Variants in SARDH observed in about 807,000 individuals in gnomAD.
SARDH encodes the protein sarcosine dehydrogenase.
In SARDH, 95 loss-of-function variants were observed where a neutral mutation model predicts 109.1. That is an observed-to-expected ratio of 0.87 (90% CI 0.74 to 1.03). The LOEUF is 1.03. SARDH is among the 50% of genes least tolerant of loss of function. The pLI, the probability that SARDH is intolerant of heterozygous loss-of-function variation, is 0.00. For missense variants in SARDH, 1,267 were observed against 1,287.8 expected (o/e 0.98, Z 0.25); for synonymous variants, 572 against 534.8 (o/e 1.07, Z -0.96).
intron 13 of SARDH, among the ~76,000 whole-genome samples, chr9:133,701,316 G>A (rs1195275014): frequency 2.0e-5 from 3 of 152,234 alleles, no homozygotes; most frequent in Non-Finnish European, 1.5e-5. Context: ...GGGACCATCT[G>A]CCTCCTGAGC....
At chr9:133,734,802 C>T (rs1265196626) in intron 1 of SARDH, among the ~76,000 whole-genome samples, 2 of 152,326 alleles carry the variant, frequency 1.3e-5, no homozygotes, top group South Asian at 2.1e-4. Flanking sequence ...TCACAGACAG[C>T]GAGAGGCTGG....
In SARDH at chr9:133,718,706, T is replaced by C; in HGVS notation, c.1020+232A>G. Reference sequence around the variant, plus strand: ...CTCCACACTGCGCAGACCTTCTCTGTGGATGTTTTGAGGCAAAGCCCTCCA... The same window carrying C: ...CTCCACACTGCGCAGACCTTCTCTGCGGATGTTTTGAGGCAAAGCCCTCCA... On this transcript the variant is annotated intron_variant, in intron 7 of 20. Transcript: ENST00000439388. The surrounding 1 kb of genome is among the most constrained non-coding windows in gnomAD (Gnocchi z 4.2). 1 of 779,692 alleles carries C rather than the reference T, an allele frequency of 1.3e-6. No homozygotes were observed. Among genetic ancestry groups the C allele is most frequent in the Non-Finnish European group, 2.4e-6 (1 of 417,994 alleles). 48.3% of individuals were successfully genotyped at this position (779,692 alleles called of 1,614,324 possible). A position where few individuals can be genotyped will look rare whatever the true frequency, so the allele number is the denominator to read the frequency against.
chr9:133,666,973 A>G lies in SARDH; in HGVS notation c.2496-103T>C, dbSNP rs117630211. The G allele has an allele frequency of 0.027, 40,668 of 1,495,682 alleles. 635 individuals carry two copies. The highest frequency in any genetic ancestry group is 0.031 in the Non-Finnish European group (34,505 of 1,097,064). 92.7% of individuals were successfully genotyped at this position (1,495,682 alleles called of 1,614,324 possible). ...TGGGGGGCTGCATGATGCACACCCA[A>G]CCGTGGCTCCAGGCAGATAGGGCTG... On this transcript the variant is annotated intron_variant, in intron 19 of 20. Coordinates refer to ENST00000439388, the MANE Select transcript of SARDH (RefSeq NM_001134707.2). The surrounding 1 kb of genome is among the most constrained non-coding windows in gnomAD (Gnocchi z 5.2).
intron 13 of SARDH, among the ~76,000 whole-genome samples, chr9:133,700,353 T>G (rs1831436579): frequency 6.6e-6 from 1 of 151,006 alleles, no homozygotes; most frequent in South Asian, 2.1e-4. Flanking sequence ...AATAAAAATT[T>G]GAAAAATTAA....
chr9:133,731,920 C>G (rs1221445955), intron 3 of SARDH, among the ~76,000 whole-genome samples: 1 of 142,618 alleles, frequency 7.0e-6, no homozygotes, highest in South Asian at 2.1e-4. Flanking sequence ...AGGCCAAGAT[C>G]CTGTTTCAGA....
In SARDH at chr9:133,666,021, C is replaced by T. The variant is rs1301349034; in HGVS notation, c.2631+714G>A. 2.0e-5 allele frequency among the ~76,000 whole-genome samples: 3 copies of T among 152,250 alleles called. No homozygotes were observed. The highest frequency in any genetic ancestry group is 2.9e-5 in the Non-Finnish European group (2 of 68,046). ...GAGGTGGAGGTAGAGACCACCCCTT[C>T]CCCTTCTGGGGAGGCTGCCCACCCC... On this transcript the variant is annotated intron_variant, in intron 20 of 20. Coordinates refer to ENST00000439388, the MANE Select transcript of SARDH (RefSeq NM_001134707.2). This position sits in a 1 kb window ranked among gnomAD's most constrained non-coding sequence, Gnocchi z 5.2.
chr9:133,660,529 C>T (rs564927162), downstream of SARDH, among the ~76,000 whole-genome samples: 4 of 152,338 alleles, frequency 2.6e-5, no homozygotes, highest in Non-Finnish European at 5.9e-5. Context: ...GCCAAAGGGA[C>T]TCTGGGCTCG....
chr9:133,664,414 C>T (rs996981967), intron 20 of SARDH, among the ~76,000 whole-genome samples: 7 of 152,236 alleles, frequency 4.6e-5, no homozygotes, highest in South Asian at 4.1e-4. Context: ...GGGGCAGGGG[C>T]GGCTGGAACA....
intron 11 of SARDH, among the ~76,000 whole-genome samples, chr9:133,705,930 G>C (rs1403900589): frequency 1.3e-5 from 2 of 152,124 alleles, no homozygotes; most frequent in Non-Finnish European, 2.9e-5. Context: ...GAAGGTGGCC[G>C]ACTACAAGCC....
intron 16 of SARDH, among the ~76,000 whole-genome samples, chr9:133,688,909 C>T (rs1830988166): frequency 6.6e-6 from 1 of 152,236 alleles, no homozygotes; most frequent in Non-Finnish European, 1.5e-5. Context: ...CTATCCCTTC[C>T]TCAGCAAGCA....
rs967805392 is a variant in SARDH, at chr9:133,692,810, C to T, written c.1921+1448G>A. On this transcript the variant is annotated intron_variant, in intron 15 of 20. Transcript: ENST00000439388. The surrounding 1 kb of genome is among the most constrained non-coding windows in gnomAD (Gnocchi z 5.0). ...AACGAGCTCATGGATCCATGAGGCA[C>T]GAGCGCTGTGGCTCAGCCCATGGCT... Among the ~76,000 whole-genome samples the T allele has an allele frequency of 3.3e-5, 5 of 152,142 alleles. No individual in the cohort carries two copies. Among genetic ancestry groups the T allele is most frequent in the African/African-American group, 9.7e-5 (4 of 41,428 alleles).
At chr9:133,661,783 T>C (rs1405000352), downstream of SARDH, among the ~76,000 whole-genome samples, 1 of 152,166 alleles carries the variant, frequency 6.6e-6, no homozygotes, top group Non-Finnish European at 1.5e-5. Flanking sequence ...GCCCGGCCAG[T>C]GTAGGCACTT....
At chr9:133,665,338 C>A (rs552852945) in intron 20 of SARDH, among the ~76,000 whole-genome samples, 1 of 152,338 alleles carries the variant, frequency 6.6e-6, no homozygotes, top group African/African-American at 2.4e-5. Context: ...TGGCATGGAG[C>A]CCATAAACTC....
intron 17 of SARDH, among the ~76,000 whole-genome samples, chr9:133,676,851 G>A (rs1223169564): frequency 6.6e-6 from 1 of 152,246 alleles, no homozygotes; most frequent in Non-Finnish European, 1.5e-5. Flanking sequence ...GGAAATCACA[G>A]AAAGAGTCCG....
At chr9:133,673,899 GA>G (rs1172280196) in intron 17 of SARDH, among the ~76,000 whole-genome samples, 2 of 152,226 alleles carry the variant, frequency 1.3e-5, no homozygotes, top group African/African-American at 4.8e-5. Context: ...GGGTGGAAGG[GA>G]GGGAGCAGTC....
intron 14 of SARDH, among the ~76,000 whole-genome samples, chr9:133,695,195 C>A (rs997750527): frequency 6.6e-6 from 1 of 152,202 alleles, no homozygotes; most frequent in Non-Finnish European, 1.5e-5. Flanking sequence ...GTAATCCCAG[C>A]ACTTTGGGAG....
At chr9:133,690,636 G>A in intron 15 of SARDH, 109 bp from the exon 16 acceptor site, 1 of 1,293,046 alleles carries the variant, frequency 7.7e-7, no homozygotes, top group South Asian at 1.3e-5. Context: ...CCCTCTCAGG[G>A]GCCTGTGCCT....
At chr9:133,730,224 G>A in intron 4 of SARDH, 37 bp from the exon 5 acceptor site, 5 of 1,610,614 alleles carry the variant, frequency 3.1e-6, no homozygotes, top group Non-Finnish European at 4.2e-6. Context: ...AATCCCACGG[G>A]ACTCCCCGGG....
intron 19 of SARDH, among the ~76,000 whole-genome samples, chr9:133,667,601 G>A (rs1181961479): frequency 6.6e-6 from 1 of 151,508 alleles, no homozygotes; most frequent in Non-Finnish European, 1.5e-5. Context: ...TAAAATCAAA[G>A]AAAGGCCAGC....
Sources: gnomAD v4.1 joint callset for allele counts (sites outside exome capture counted in the v4.1 genomes callset) on GRCh38, gnomAD v4.1.1 for gene constraint, Gnocchi (gnomAD v3.1) non-coding constraint, MANE v1.5 for transcripts, NCBI Gene and HGNC (gene_info 2026-07-23, HGNC 2026-07-21) for gene names.